The following NTM variants were observed in gnomAD, a reference collection of about 807,000 sequenced individuals.
NTM encodes the protein IgLON family member 2.
NTM carries 13 observed loss-of-function variants against 42.1 expected under a neutral mutation model. The ratio of observed to expected loss-of-function variants is 0.31; its 90% CI spans 0.20 to 0.49. NTM has a LOEUF of 0.49. Among genes scored for constraint, NTM ranks in the 20% least tolerant of loss-of-function variants. The pLI is 0.99. For missense variants in NTM, 373 were observed against 452.8 expected (o/e 0.82, Z 1.60); for synonymous variants, 187 against 179.2 (o/e 1.04, Z -0.35).
At chr11:131,658,328 CTT>C (rs1056324110) in intron 1 of NTM, among the ~76,000 whole-genome samples, 4 of 152,150 alleles carry the variant, frequency 2.6e-5, no homozygotes, top group African/African-American at 9.7e-5. Context: ...CATTCATAAA[CTT>C]TATTTTTGGA....
intron 1 of NTM, among the ~76,000 whole-genome samples, chr11:131,545,844 C>G (rs2136855605): frequency 6.6e-6 from 1 of 152,174 alleles, no homozygotes; most frequent in East Asian, 1.9e-4. Context: ...GCAGAGGGAC[C>G]TGCAGTGCCT....
At chr11:131,496,478 C>T (rs549197937) in intron 1 of NTM, among the ~76,000 whole-genome samples, 1 of 152,212 alleles carries the variant, frequency 6.6e-6, no homozygotes, top group Non-Finnish European at 1.5e-5. Flanking sequence ...AATCCCTGGG[C>T]AGGCCAGGGC....
intron 4 of NTM, among the ~76,000 whole-genome samples, chr11:132,286,418 T>C (rs1174516379): frequency 6.6e-6 from 1 of 152,136 alleles, no homozygotes; most frequent in Non-Finnish European, 1.5e-5. Context: ...GAATGAAGGA[T>C]TGAAAGATTC....
chr11:132,164,224 TTTGTTGTTGTTG>T (rs796158765), intron 3 of NTM, among the ~76,000 whole-genome samples: 2 of 152,072 alleles, frequency 1.3e-5, no homozygotes, highest in African/African-American at 4.8e-5. Flanking sequence ...TCTGGCTTTG[TTTGTTGTTGTTG>T]TTGTTGTTGT....
intron 1 of NTM, among the ~76,000 whole-genome samples, chr11:131,736,754 T>C (rs2080505283): frequency 1.3e-5 from 2 of 152,150 alleles, no homozygotes; most frequent in Non-Finnish European, 2.9e-5. Flanking sequence ...CCGCAGCTTC[T>C]CTTAGGGTGG....
chr11:132,118,488 A>T (rs900455199), intron 2 of NTM, among the ~76,000 whole-genome samples: 1 of 152,254 alleles, frequency 6.6e-6, no homozygotes, highest in African/African-American at 2.4e-5. Context: ...AGGTGTTTTC[A>T]TCGCAATCGC....
chr11:131,997,408 G>A (rs537069727), intron 2 of NTM, among the ~76,000 whole-genome samples: 1 of 152,280 alleles, frequency 6.6e-6, no homozygotes, highest in South Asian at 2.1e-4. Flanking sequence ...AAGTTTAGAA[G>A]AAGATTTAAG....
chr11:132,181,523 T>C (rs2077574095), intron 3 of NTM, among the ~76,000 whole-genome samples: 1 of 152,218 alleles, frequency 6.6e-6, no homozygotes, highest in South Asian at 2.1e-4. Context: ...TTTCAATCAA[T>C]GGGGATTGAT....
At chr11:131,792,817 G>C (rs1008617619) in intron 1 of NTM, among the ~76,000 whole-genome samples, 4 of 152,106 alleles carry the variant, frequency 2.6e-5, no homozygotes, top group Non-Finnish European at 1.5e-5. Context: ...AGAAAGACTG[G>C]GCTTTAAAAA....
intron 1 of NTM, among the ~76,000 whole-genome samples, chr11:131,702,069 A>C (rs1479641790): frequency 6.6e-6 from 1 of 152,080 alleles, no homozygotes; most frequent in Non-Finnish European, 1.5e-5. Context: ...GATGCTCACA[A>C]ATAGCCCAAA....
chr11:132,145,480 G>C (rs1421802563), intron 2 of NTM, among the ~76,000 whole-genome samples: 4 of 152,232 alleles, frequency 2.6e-5, no homozygotes, highest in African/African-American at 7.2e-5. Flanking sequence ...AGAAAGACAT[G>C]ATGAGGACTT....
intron 2 of NTM, among the ~76,000 whole-genome samples, chr11:132,129,679 A>G (rs2137055639): frequency 6.6e-6 from 1 of 152,326 alleles, no homozygotes; most frequent in Non-Finnish European, 1.5e-5. Context: ...GATTTTTGTC[A>G]TTATTTTTCT....
At chr11:132,164,856 C>A (rs2075010248) in intron 3 of NTM, among the ~76,000 whole-genome samples, 1 of 152,144 alleles carries the variant, frequency 6.6e-6, no homozygotes, top group Admixed American at 6.5e-5. Context: ...GTTTCAATAC[C>A]ATCCAACAAA....
At chr11:132,220,880 C>A (rs2138849982) in intron 4 of NTM, among the ~76,000 whole-genome samples, 1 of 152,258 alleles carries the variant, frequency 6.6e-6, no homozygotes, top group East Asian at 1.9e-4. Flanking sequence ...AATGGTAGCC[C>A]CTACAGGGCA....
rs1021698793 is a variant in NTM, at chr11:132,277,256, T to A, written c.527-30433T>A. ...GTGGAAAACATTCATCTTCTCATTA[T>A]TAATTTATAATTGATTTTATCGACT... is the stretch of plus-strand genomic sequence containing the variant. On this transcript the variant is annotated intron_variant, in intron 4 of 8. Transcript: ENST00000683400. Among the ~76,000 whole-genome samples the A allele has an allele frequency of 5.3e-5, 8 of 152,344 alleles. No homozygotes were observed. In the East Asian group the frequency reaches 1.5e-3, roughly 29 times the overall value.
At chr11:131,702,877 A>G (rs2076217294) in intron 1 of NTM, among the ~76,000 whole-genome samples, 1 of 152,356 alleles carries the variant, frequency 6.6e-6, no homozygotes, top group East Asian at 1.9e-4. Context: ...AGTTTTAGGC[A>G]TAAGAGTTGA....
intron 2 of NTM, among the ~76,000 whole-genome samples, chr11:131,914,481 G>A (rs2055924604): frequency 6.6e-6 from 1 of 152,118 alleles, no homozygotes; most frequent in South Asian, 2.1e-4. Flanking sequence ...ACCAGCAGAG[G>A]ACTTTTTGCT....
At chr11:131,788,663 C>A (rs966810994) in intron 1 of NTM, among the ~76,000 whole-genome samples, 1 of 152,164 alleles carries the variant, frequency 6.6e-6, no homozygotes, top group African/African-American at 2.4e-5. Flanking sequence ...TTCCTATCCT[C>A]CCTCATTAGA....
chr11:132,334,488 G>T (rs935059983), intron 8 of NTM, among the ~76,000 whole-genome samples: 1 of 152,232 alleles, frequency 6.6e-6, no homozygotes, highest in African/African-American at 2.4e-5. Flanking sequence ...GCTCCAGGTG[G>T]AACCCAGGTG....
Sources: allele counts gnomAD v4.1 joint callset (sites outside exome capture counted in the v4.1 genomes callset), GRCh38; gene constraint gnomAD v4.1.1; transcripts MANE v1.5; gene names NCBI Gene and HGNC (gene_info 2026-07-23, HGNC 2026-07-21).